Variants in ADGRL3 observed in about 807,000 individuals in gnomAD.
ADGRL3 encodes adhesion G protein-coupled receptor L3, also known as calcium-independent alpha-latrotoxin receptor 3.
A neutral mutation model predicts 153.5 loss-of-function variants in ADGRL3; 62 were observed. The observed-to-expected ratio is 0.40, with a 90% confidence interval of 0.33 to 0.50. The LOEUF is 0.50. Ranked by LOEUF, ADGRL3 falls within the 20% of genes least tolerant of loss-of-function variation. ADGRL3 has a pLI of 0.47. For missense variants in ADGRL3, 1,641 were observed against 1,859.4 expected, an observed-to-expected ratio of 0.88 and a Z score of 2.16; for synonymous variants, 710 against 672.5, an observed-to-expected ratio of 1.06 and a Z score of -0.86.
At chr4:61,389,715 A>T (rs1025193816) in intron 2 of ADGRL3, among the ~76,000 whole-genome samples, 1 of 152,206 alleles carries the variant, frequency 6.6e-6, no homozygotes. Flanking sequence ...GTAAAAGCAC[A>T]TTAATTATTC....
intron 5 of ADGRL3, among the ~76,000 whole-genome samples, chr4:61,592,691 T>C (rs892349248): frequency 3.3e-5 from 5 of 152,198 alleles, no homozygotes; most frequent in South Asian, 2.1e-4. Flanking sequence ...ATTTTGATAA[T>C]GTCTGCTAAA....
At chr4:61,725,502 G>A (rs1356628602) in intron 6 of ADGRL3, among the ~76,000 whole-genome samples, 2 of 151,860 alleles carry the variant, frequency 1.3e-5, no homozygotes, top group African/African-American at 4.8e-5. Context: ...GGCTGAGGCA[G>A]GAGAATGGTG....
At position 61,244,427 on chromosome 4, in the gene ADGRL3, AT is replaced by A. The variant is rs544623932; in HGVS notation, c.-240+42663del. 4.0e-4 allele frequency among the ~76,000 whole-genome samples: 61 copies of A among 152,192 alleles called. No individual in the cohort carries two copies. The South Asian group carries it at 7.9e-3, about 20-fold the overall frequency. Reference sequence around the variant, plus strand: ...TAATAGGTACACAAGTAATAAAAAAATAAAACTGATCTTTCTCTTTCCTCAA... The same window carrying A: ...TAATAGGTACACAAGTAATAAAAAAAAAAACTGATCTTTCTCTTTCCTCAA... On this transcript the variant is annotated intron_variant, in intron 1 of 26. Transcript: ENST00000683033.
chr4:61,639,346 A>G (rs2093565923), intron 5 of ADGRL3, among the ~76,000 whole-genome samples: 1 of 152,176 alleles, frequency 6.6e-6, no homozygotes, highest in South Asian at 2.1e-4. Flanking sequence ...AATGTAGTAT[A>G]TGAATAAATG....
intron 2 of ADGRL3, among the ~76,000 whole-genome samples, chr4:61,440,300 G>A (rs1360210722): frequency 2.0e-5 from 3 of 152,060 alleles, no homozygotes; most frequent in South Asian, 2.1e-4. Context: ...CGCCTGCCTT[G>A]GCCTCCCAAA....
intron 1 of ADGRL3, among the ~76,000 whole-genome samples, chr4:61,255,152 G>T (rs1479670875): frequency 6.6e-6 from 1 of 152,122 alleles, no homozygotes; most frequent in Non-Finnish European, 1.5e-5. Flanking sequence ...GTTGCTGACA[G>T]TCAGGGTTGG....
intron 1 of ADGRL3, among the ~76,000 whole-genome samples, chr4:61,325,038 G>T (rs903167778): frequency 6.6e-6 from 1 of 152,080 alleles, no homozygotes. Context: ...TGTAGGTCGG[G>T]CGCAGTGGCT....
intron 10 of ADGRL3, among the ~76,000 whole-genome samples, chr4:61,893,907 C>A (rs530516333): frequency 6.6e-6 from 1 of 151,850 alleles, no homozygotes; most frequent in South Asian, 2.1e-4. Context: ...AGACAGGTTT[C>A]GCCATGTTGT....
At chr4:61,798,032 G>A (rs996319793) in intron 8 of ADGRL3, among the ~76,000 whole-genome samples, 1 of 152,154 alleles carries the variant, frequency 6.6e-6, no homozygotes, top group African/African-American at 2.4e-5. Flanking sequence ...TGAGGATGAT[G>A]TAATGATGTT....
chr4:61,725,268 C>A (rs1313123549), intron 6 of ADGRL3, among the ~76,000 whole-genome samples: 3 of 152,070 alleles, frequency 2.0e-5, no homozygotes, highest in Non-Finnish European at 4.4e-5. Context: ...GGTATTTGTG[C>A]CTCAGTTTCC....
intron 21 of ADGRL3, among the ~76,000 whole-genome samples, chr4:62,009,078 CACT>C (rs1235080174): frequency 1.3e-5 from 2 of 152,096 alleles, no homozygotes; most frequent in African/African-American, 2.4e-5. Flanking sequence ...TCTATAATCA[CACT>C]ACTACGAAAT....
chr4:61,515,482 C>A (rs543886457), intron 3 of ADGRL3, among the ~76,000 whole-genome samples: 11 of 151,906 alleles, frequency 7.2e-5, no homozygotes, highest in Admixed American at 2.6e-4. Flanking sequence ...ATTTCCCTTA[C>A]CAGATGTGTG....
At chr4:61,738,893 G>GA (rs1476693109) in intron 8 of ADGRL3, among the ~76,000 whole-genome samples, 4 of 152,050 alleles carry the variant, frequency 2.6e-5, no homozygotes, top group African/African-American at 4.8e-5. Flanking sequence ...GTTTCTCCTT[G>GA]AAAAAAATCG....
Position 61,814,247 on chromosome 4 carries a change from G to A in ADGRL3, c.1480+358G>A, listed in dbSNP as rs544717969. Among the ~76,000 whole-genome samples, 3 of 150,094 alleles carry A rather than the reference G, an allele frequency of 2.0e-5. No individual in the cohort carries two copies. In the South Asian group the frequency reaches 6.3e-4, roughly 32 times the overall value. On this transcript the variant is annotated intron_variant, in intron 9 of 26. Coordinates refer to ENST00000683033, the MANE Select transcript of ADGRL3 (RefSeq NM_001387552.1). The stretch of plus-strand genomic sequence containing the variant: ...TCTTATTTTTTTTTTTTTACATTAA[G>A]ATGTCTTAATCTAAATCATATTGAC...
chr4:61,372,223 C>G (rs1292263638), intron 1 of ADGRL3, among the ~76,000 whole-genome samples: 2 of 152,158 alleles, frequency 1.3e-5, no homozygotes, highest in African/African-American at 2.4e-5. Context: ...GCCTTCTTCT[C>G]TCAGCTCGTC....
chr4:61,478,758 T>C (rs897149080), intron 2 of ADGRL3, among the ~76,000 whole-genome samples: 2 of 151,536 alleles, frequency 1.3e-5, no homozygotes, highest in Non-Finnish European at 2.9e-5. Flanking sequence ...CCCTTAAGTA[T>C]TGATTTATAA....
At chr4:61,530,918 T>C (rs1416753337) in intron 4 of ADGRL3, among the ~76,000 whole-genome samples, 1 of 152,216 alleles carries the variant, frequency 6.6e-6, no homozygotes, top group Admixed American at 6.5e-5. Context: ...TGTATGTTTC[T>C]TCCTTATTTG....
At chr4:61,592,626 G>A (rs1191679874) in intron 5 of ADGRL3, among the ~76,000 whole-genome samples, 5 of 152,072 alleles carry the variant, frequency 3.3e-5, no homozygotes, top group Non-Finnish European at 7.4e-5. Context: ...TATATGGAGG[G>A]CATTTACTTA....
intron 18 of ADGRL3, among the ~76,000 whole-genome samples, chr4:61,982,236 T>C (rs2099070962): frequency 6.6e-6 from 1 of 152,328 alleles, no homozygotes; most frequent in South Asian, 2.1e-4. Context: ...AACTCATTTC[T>C]AACAAGTAAT....
Sources: gnomAD v4.1 joint callset for allele counts (sites outside exome capture counted in the v4.1 genomes callset) on GRCh38, gnomAD v4.1.1 for gene constraint, MANE v1.5 for transcripts, NCBI Gene and HGNC (gene_info 2026-07-23, HGNC 2026-07-21) for gene names.